The following TXNDC11 variants were observed in gnomAD, a reference collection of about 807,000 sequenced individuals.
TXNDC11 encodes the protein thioredoxin domain-containing protein 11.
TXNDC11 carries 68 observed loss-of-function variants against 78.0 expected under a neutral mutation model. The observed-to-expected ratio is 0.87, with a 90% confidence interval of 0.72 to 1.07. The LOEUF (loss-of-function observed/expected upper bound fraction) is 1.07. Ranked by LOEUF, TXNDC11 falls within the 50% of genes least tolerant of loss-of-function variation. TXNDC11 has a pLI of 0.00. For synonymous variants in TXNDC11, 571 were observed against 495.2 expected (o/e 1.15, Z -2.03); for missense variants, 1,389 against 1,221.8 (o/e 1.14, Z -2.04).
rs1364508144 is a variant in TXNDC11 at position 11,679,361 on chromosome 16, T to G, written c.2711A>C (p.Lys904Thr). The G allele has an allele frequency of 1.2e-6, 2 of 1,611,670 alleles. No individual in the cohort carries two copies. The highest frequency in any genetic ancestry group is 1.7e-6 in the Non-Finnish European group (2 of 1,179,036). The change falls in exon 12 of 12, where the codon AAA (lysine) becomes ACA (threonine). Residue 904 changes from lysine to threonine, a missense_variant. Coordinates refer to ENST00000283033, the MANE Select transcript of TXNDC11 (RefSeq NM_015914.7). The surrounding 1 kb of genome is among the most constrained non-coding windows in gnomAD (Gnocchi z 4.6). ...TTCAGCTCCATCCCTGCCCTCCAGT[T>G]TCCTCTCCATGGTCGCCACCAGGAT... ...LKILVATMER[K>T]LEGRDGAESL...
chr16:11,679,087 C>T lies in TXNDC11; in HGVS notation c.*108G>A, dbSNP rs2050336510. On this transcript the variant is annotated 3_prime_UTR_variant, in exon 12 of 12. Coordinates refer to ENST00000283033, the MANE Select transcript of TXNDC11 (RefSeq NM_015914.7). This position sits in a 1 kb window ranked among gnomAD's most constrained non-coding sequence, Gnocchi z 4.6. ...GCTGAATGACATTCAAGCTGATTTTCTAGACCACTGAGAAAATCTTTATTT... is the reference window on the plus strand; with the variant it reads ...GCTGAATGACATTCAAGCTGATTTTTTAGACCACTGAGAAAATCTTTATTT... The T allele has an allele frequency of 1.7e-6, 2 of 1,211,644 alleles. No individual in the cohort carries two copies. Among genetic ancestry groups the T allele is most frequent in the East Asian group, 2.6e-5 (1 of 39,114 alleles). 75.1% of individuals were successfully genotyped at this position (1,211,644 alleles called of 1,614,324 possible). A position where few individuals can be genotyped will look rare whatever the true frequency, so the allele number is the denominator to read the frequency against.
chr16:11,713,723 T>C (rs2051437150), intron 5 of TXNDC11, among the ~76,000 whole-genome samples: 2 of 152,094 alleles, frequency 1.3e-5, no homozygotes, highest in Admixed American at 6.5e-5. Context: ...GCCCAAAGTA[T>C]GGAATTTTTA....
intron 11 of TXNDC11, among the ~76,000 whole-genome samples, chr16:11,681,094 T>C (rs4781137): frequency 0.42 from 63,655 of 151,978 alleles, 14,057 homozygotes; most frequent in Middle Eastern, 0.5. Context: ...ATCACTTGAG[T>C]CCAGGAGTTC....
chr16:11,738,018 G>A (rs564592030), intron 1 of TXNDC11, among the ~76,000 whole-genome samples: 2 of 152,316 alleles, frequency 1.3e-5, no homozygotes, highest in East Asian at 1.9e-4. Flanking sequence ...TGTAAATAGT[G>A]AGCATAAGAA....
chr16:11,710,783 C>G (rs1426229482), intron 5 of TXNDC11, among the ~76,000 whole-genome samples: 1 of 152,134 alleles, frequency 6.6e-6, no homozygotes, highest in East Asian at 1.9e-4. Context: ...CCACTGCACT[C>G]TAGCTTGGGC....
At position 11,730,698 on chromosome 16, in the gene TXNDC11, G is replaced by C. The variant is rs2052019458; in HGVS notation, c.646C>G (p.Leu216Val). 6.2e-7 allele frequency: 1 copy of C among 1,613,714 alleles called. No individual in the cohort carries two copies. The highest frequency in any genetic ancestry group is 1.7e-5 in the Admixed American group (1 of 59,986). Residue 216 changes from leucine to valine, a missense_variant, in exon 4 of 12, where the codon CTT (leucine) becomes GTT (valine). Physicochemically the swap from Leu to Val is conservative, Grantham distance 32 (BLOSUM62 1). Transcript: ENST00000283033. ...EKFVRRVMKP[L>V]LYIPSQSELL... The stretch of plus-strand genomic sequence containing the variant: ...TCTGATTGAGATGGGATGTAGAGAA[G>C]TGGTTTCATCACCCGGCGGACAAAC...
intron 1 of TXNDC11, among the ~76,000 whole-genome samples, chr16:11,736,685 A>G (rs2052230367): frequency 6.6e-6 from 1 of 152,236 alleles, no homozygotes; most frequent in Non-Finnish European, 1.5e-5. Context: ...CAACTTTGAG[A>G]AAACATTAAG....
intron 10 of TXNDC11, among the ~76,000 whole-genome samples, chr16:11,686,030 C>A (rs951575286): frequency 1.3e-5 from 2 of 152,116 alleles, no homozygotes; most frequent in African/African-American, 4.8e-5. Flanking sequence ...GCAATCTCAG[C>A]TCCCTGTAAC....
chr16:11,723,509 AG>A (rs777918249), intron 4 of TXNDC11, among the ~76,000 whole-genome samples: 1 of 151,830 alleles, frequency 6.6e-6, no homozygotes, highest in Non-Finnish European at 1.5e-5. Context: ...TGCTTGAACC[AG>A]GGAGGTGGAG....
At position 11,721,568 on chromosome 16, in the gene TXNDC11, A is replaced by T; in HGVS notation, c.793+9T>A. 1 of 1,546,416 alleles carries T rather than the reference A, an allele frequency of 6.5e-7. No individual in the cohort carries two copies. ...AAGTAACAATGTCTTAATATGAATCATTTTTTACCTTTCTTTAATGAATGT... is the reference window on the plus strand; with the variant it reads ...AAGTAACAATGTCTTAATATGAATCTTTTTTTACCTTTCTTTAATGAATGT... On this transcript the variant is annotated intron_variant, in intron 5 of 11. Transcript: ENST00000283033.
chr16:11,723,156 G>C (rs1349967695), intron 4 of TXNDC11, among the ~76,000 whole-genome samples: 1 of 151,980 alleles, frequency 6.6e-6, no homozygotes, highest in Non-Finnish European at 1.5e-5. Flanking sequence ...TACTCGGAAA[G>C]CTGAGGCAAG....
At chr16:11,725,442 A>G (rs971794950) in intron 4 of TXNDC11, among the ~76,000 whole-genome samples, 7 of 152,228 alleles carry the variant, frequency 4.6e-5, no homozygotes, top group Non-Finnish European at 1.5e-5. Flanking sequence ...TCAAAAAATG[A>G]CATTAAATAA....
chr16:11,691,603 G>A lies in TXNDC11; in HGVS notation c.1587C>T (p.Ala529=). Residue 529 remains alanine (A), a synonymous_variant, in exon 8 of 12, where the codon GCC becomes GCT. Transcript: ENST00000283033. The part of the protein sequence containing the change: ...FIDSEQGVFE[A]PTVAFSSLEK... ...CAAGGGAAGAAAATGCAACAGTAGGGGCTTCAAAGACACCTTGTTCAGAGT... is the reference window on the plus strand; with the variant it reads ...CAAGGGAAGAAAATGCAACAGTAGGAGCTTCAAAGACACCTTGTTCAGAGT... The A allele has an allele frequency of 6.2e-7, 1 of 1,614,144 alleles. No homozygotes were observed.
intron 5 of TXNDC11, among the ~76,000 whole-genome samples, chr16:11,717,548 G>A (rs1035444193): frequency 2.0e-5 from 3 of 151,618 alleles, no homozygotes; most frequent in Non-Finnish European, 2.9e-5. Context: ...CAGGCTGGGC[G>A]CAGTGGCTCA....
intron 5 of TXNDC11, among the ~76,000 whole-genome samples, chr16:11,719,728 C>G (rs1444543317): frequency 6.6e-6 from 1 of 152,130 alleles, no homozygotes; most frequent in Admixed American, 6.6e-5. Flanking sequence ...ATGGTCCCTA[C>G]CCTCAGAAAT....
At chr16:11,704,813 A>C (rs1435494510) in intron 5 of TXNDC11, among the ~76,000 whole-genome samples, 1 of 152,224 alleles carries the variant, frequency 6.6e-6, no homozygotes, top group Non-Finnish European at 1.5e-5. Context: ...CCCAGACTGG[A>C]TCCTGAAACA....
chr16:11,688,589 C>T, intron 8 of TXNDC11, 144 bp from the exon 9 acceptor site: 1 of 668,464 alleles, frequency 1.5e-6, no homozygotes, highest in Non-Finnish European at 2.4e-6. Flanking sequence ...AAACCCCAAA[C>T]AAAGCTGCCC....
chr16:11,694,459 T>C (rs1370438519), intron 7 of TXNDC11, among the ~76,000 whole-genome samples: 1 of 151,848 alleles, frequency 6.6e-6, no homozygotes, highest in Non-Finnish European at 1.5e-5. Flanking sequence ...AGCAATGCTT[T>C]TTTTTGAGAC....
chr16:11,742,484 T>G lies in TXNDC11; in HGVS notation c.247A>C (p.Thr83Pro). The G allele has an allele frequency of 6.9e-7, 1 of 1,442,560 alleles. No individual in the cohort carries two copies. Among genetic ancestry groups the G allele is most frequent in the Non-Finnish European group, 9.0e-7 (1 of 1,105,684 alleles). 89.4% of individuals were successfully genotyped at this position (1,442,560 alleles called of 1,614,324 possible). ...GGGTCCGGGCCGCCTCACCTGCAGG[T>G]GAACTTGAGGGCGAGGAGCAGCGCG... The part of the protein sequence containing the change: ...GCALLLALKF[T>P]CSRAKDVIIP... Residue 83 changes from threonine (T) to proline (P), a missense_variant, in exon 1 of 12, where the codon ACC becomes CCC. Transcript: ENST00000283033.
Sources: gnomAD v4.1 joint callset for allele counts (sites outside exome capture counted in the v4.1 genomes callset) on GRCh38, gnomAD v4.1.1 for gene constraint, Gnocchi (gnomAD v3.1) non-coding constraint, MANE v1.5 for transcripts, NCBI Gene and HGNC (gene_info 2026-07-23, HGNC 2026-07-21) for gene names.